SDK1: variants seen among roughly 807,000 people sequenced by gnomAD.
SDK1 encodes the protein sidekick cell adhesion molecule 1.
In SDK1, 157 loss-of-function variants were observed where a neutral mutation model predicts 245.5. The ratio of observed to expected loss-of-function variants is 0.64; its 90% CI spans 0.56 to 0.73. The LOEUF (loss-of-function observed/expected upper bound fraction) is 0.73. Among genes scored for constraint, SDK1 ranks in the 30% least tolerant of loss-of-function variants. SDK1 has a pLI of 0.00. For synonymous variants in SDK1, 1,647 were observed against 1,278.5 expected (o/e 1.29, Z -6.15); for missense variants, 3,583 against 3,002.3 (o/e 1.19, Z -4.52).
Position 4,208,224 on chromosome 7 carries a change from C to T in SDK1, c.5340C>T (p.Ala1780=). ...CCAAGTACCTGGTCAGCATATCAGCCTTCAACGCCGCCGGAGATGGACCTA... is the reference window on the plus strand; with the variant it reads ...CCAAGTACCTGGTCAGCATATCAGCTTTCAACGCCGCCGGAGATGGACCTA... ...SHTKYLVSIS[A]FNAAGDGPKS... is the part of the protein sequence containing the mutation. The change falls in exon 37 of 45, where the codon GCC becomes GCT. Residue 1780 remains alanine (A), a synonymous_variant. Coordinates refer to ENST00000404826, the MANE Select transcript of SDK1 (RefSeq NM_152744.4). The T allele has an allele frequency of 6.2e-7, 1 of 1,614,126 alleles. No individual in the cohort carries two copies. Among genetic ancestry groups the T allele is most frequent in the Non-Finnish European group, 8.5e-7 (1 of 1,180,030 alleles).
chr7:3,616,496 G>C (rs771201899), intron 1 of SDK1, among the ~76,000 whole-genome samples: 1 of 152,164 alleles, frequency 6.6e-6, no homozygotes, highest in Non-Finnish European at 1.5e-5. Context: ...TCCCACCAGA[G>C]GGCCTGCTTA....
intron 5 of SDK1, among the ~76,000 whole-genome samples, chr7:3,885,050 C>G (rs752868669): frequency 6.6e-6 from 1 of 151,474 alleles, no homozygotes; most frequent in Non-Finnish European, 1.5e-5. Context: ...CGCCCCATCT[C>G]TGCCAATAGC....
intron 35 of SDK1, among the ~76,000 whole-genome samples, chr7:4,198,229 G>A (rs576348747): frequency 4.6e-5 from 7 of 152,272 alleles, no homozygotes; most frequent in Non-Finnish European, 7.4e-5. Flanking sequence ...TTCTGCTAGC[G>A]GCCCAAACCC....
rs550703808 is a variant in SDK1, at chr7:3,390,092, A to G, written c.298+88208A>G. Among the ~76,000 whole-genome samples, 5 of 152,262 alleles carry G rather than the reference A, an allele frequency of 3.3e-5. No individual in the cohort carries two copies. In the East Asian group the frequency reaches 7.7e-4, roughly 24 times the overall value. On this transcript the variant is annotated intron_variant, in intron 1 of 44. Transcript: ENST00000404826. Reference sequence around the variant, plus strand: ...GAATTTGTAAGTGATGAAGTTGGCTATTTAGGAGGAGATTTCCAAGCAAAT... The same window carrying G: ...GAATTTGTAAGTGATGAAGTTGGCTGTTTAGGAGGAGATTTCCAAGCAAAT...
At chr7:3,329,027 G>T (rs866195826) in intron 1 of SDK1, among the ~76,000 whole-genome samples, 5 of 152,120 alleles carry the variant, frequency 3.3e-5, no homozygotes, top group African/African-American at 4.8e-5. Context: ...AGTCTTTTAC[G>T]ATGTTCACCG....
At chr7:3,925,153 G>T (rs562453631) in intron 5 of SDK1, among the ~76,000 whole-genome samples, 74 of 152,230 alleles carry the variant, frequency 4.9e-4, no homozygotes, top group African/African-American at 1.7e-3. Flanking sequence ...CCCCAGAGCT[G>T]TCCCACAGCC....
In SDK1 at chr7:3,745,552, G is replaced by A. The variant is rs996698340; in HGVS notation, c.714-75898G>A. On this transcript the variant is annotated intron_variant, in intron 4 of 44. Transcript: ENST00000404826. ...CTCATTTGCATGTGTGTGTGTGTGT[G>A]TAAATAATTCTAAATTCTATACAAT... is the stretch of plus-strand genomic sequence containing the variant. Among the ~76,000 whole-genome samples, 6 of 147,184 alleles carry A rather than the reference G, an allele frequency of 4.1e-5. No individual in the cohort carries two copies. The South Asian group carries it at 1.1e-3, about 26-fold the overall frequency.
intron 1 of SDK1, among the ~76,000 whole-genome samples, chr7:3,420,061 G>T (rs368146049): frequency 3.9e-5 from 6 of 152,294 alleles, no homozygotes; most frequent in African/African-American, 1.4e-4. Flanking sequence ...GAATCTCCTT[G>T]TCAGTGGCAA....
chr7:3,860,506 A>C (rs1780664892), intron 5 of SDK1, among the ~76,000 whole-genome samples: 1 of 152,248 alleles, frequency 6.6e-6, no homozygotes, highest in South Asian at 2.1e-4. Flanking sequence ...GTTTGATAAT[A>C]TCAAGTGTTG....
intron 3 of SDK1, among the ~76,000 whole-genome samples, 180 bp downstream of exon 3, chr7:3,639,290 G>T (rs1782571728): frequency 6.6e-6 from 1 of 152,146 alleles, no homozygotes. Flanking sequence ...GCCAGGTGAG[G>T]GGCTGTTGAG....
chr7:3,347,451 T>A (rs935730178), intron 1 of SDK1, among the ~76,000 whole-genome samples: 1 of 152,146 alleles, frequency 6.6e-6, no homozygotes, highest in Admixed American at 6.5e-5. Flanking sequence ...TGGAACAAAA[T>A]AACTTTTCAC....
chr7:3,571,412 C>T (rs1780112108), intron 1 of SDK1, among the ~76,000 whole-genome samples: 1 of 152,114 alleles, frequency 6.6e-6, no homozygotes, highest in African/African-American at 2.4e-5. Context: ...AAGTGATCCT[C>T]CAGCCTCAGC....
intron 1 of SDK1, among the ~76,000 whole-genome samples, chr7:3,414,397 G>A (rs1253591432): frequency 6.6e-6 from 1 of 152,084 alleles, no homozygotes; most frequent in Non-Finnish European, 1.5e-5. Flanking sequence ...ATGGTGCCTG[G>A]AGTCTAAAGT....
At chr7:3,489,491 G>T (rs558133687) in intron 1 of SDK1, among the ~76,000 whole-genome samples, 1 of 152,176 alleles carries the variant, frequency 6.6e-6, no homozygotes, top group African/African-American at 2.4e-5. Context: ...AGAATTTTAG[G>T]ATTTTGAGCA....
chr7:3,392,466 G>A (rs1781783228), intron 1 of SDK1, among the ~76,000 whole-genome samples: 2 of 151,800 alleles, frequency 1.3e-5, no homozygotes. Context: ...CACACATATA[G>A]CATAGAATTT....
Position 3,813,073 on chromosome 7 carries a change from C to T in SDK1, c.714-8377C>T, listed in dbSNP as rs1331189770. On this transcript the variant is annotated intron_variant, in intron 4 of 44. Coordinates refer to ENST00000404826, the MANE Select transcript of SDK1 (RefSeq NM_152744.4). ...TGAGCATTCAGGGACTCATTAGTGC[C>T]AAAACTACTTGAAAGCAATTTTATT... Among the ~76,000 whole-genome samples, 4 of 152,210 alleles carry T rather than the reference C, an allele frequency of 2.6e-5. No homozygotes were observed. The East Asian group carries it at 7.7e-4, about 29-fold the overall frequency.
intron 5 of SDK1, among the ~76,000 whole-genome samples, chr7:3,870,231 C>A (rs977784980): frequency 1.3e-5 from 2 of 152,018 alleles, no homozygotes; most frequent in Admixed American, 6.6e-5. Flanking sequence ...TTGATATATT[C>A]AACTTAATTT....
chr7:3,921,824 G>C (rs1779595641), intron 5 of SDK1, among the ~76,000 whole-genome samples: 1 of 152,068 alleles, frequency 6.6e-6, no homozygotes, highest in Non-Finnish European at 1.5e-5. Context: ...AAATCAGGTG[G>C]ACATGGTGGT....
At chr7:3,767,709 A>G (rs1287370886) in intron 4 of SDK1, among the ~76,000 whole-genome samples, 3 of 152,186 alleles carry the variant, frequency 2.0e-5, no homozygotes. Flanking sequence ...GGAAAATAGA[A>G]TCTGAACCCA....
Sources: gnomAD v4.1 joint callset for allele counts (sites outside exome capture counted in the v4.1 genomes callset) on GRCh38, gnomAD v4.1.1 for gene constraint, MANE v1.5 for transcripts, NCBI Gene and HGNC (gene_info 2026-07-23, HGNC 2026-07-21) for gene names.